Variants in PTPRD observed in about 807,000 individuals in gnomAD.
PTPRD encodes the protein receptor-type tyrosine-protein phosphatase delta.
Under a neutral mutation model 214.5 loss-of-function variants are expected in PTPRD, and 34 were observed. That is an observed-to-expected ratio of 0.16 (90% CI 0.12 to 0.21). The LOEUF (loss-of-function observed/expected upper bound fraction) is 0.21, where lower values mean the gene tolerates loss of function less well. Among genes scored for constraint, PTPRD ranks in the 10% least tolerant of loss-of-function variants. The probability of loss-of-function intolerance (pLI) is 1.00; values close to 1 mark genes in which losing one functional copy is unlikely to be tolerated. For missense variants in PTPRD, 2,545 were observed against 2,398.7 expected, an observed-to-expected ratio of 1.06 and a Z score of -1.27; for synonymous variants, 1,128 against 845.7, an observed-to-expected ratio of 1.33 and a Z score of -5.79.
At chr9:10,515,972 T>C (rs1176205941) in intron 2 of PTPRD, among the ~76,000 whole-genome samples, 1 of 151,974 alleles carries the variant, frequency 6.6e-6, no homozygotes, top group East Asian at 1.9e-4. Context: ...ACTCATCCAT[T>C]CATCTGTGGA....
rs1491133193 is a variant in PTPRD at position 10,037,579 on chromosome 9, GGA to G, written c.-544-3791_-544-3790del. 5.2e-3 allele frequency among the ~76,000 whole-genome samples: 416 copies of G among 80,032 alleles called. 4 individuals carry two copies. The highest frequency in any genetic ancestry group is 0.037 in the East Asian group (56 of 1,530). The allele number at this position is 80,032 out of a possible 152,430, so 52.5% of individuals were successfully genotyped here. On this transcript the variant is annotated intron_variant, in intron 3 of 45. Transcript: ENST00000381196. ...GTCTTGAGTATTTCTTTATAGCAGT[GGA>G]AAAAAAAAAAAAAAAAAACAAGCTA...
intron 2 of PTPRD, among the ~76,000 whole-genome samples, chr9:10,598,138 T>C (rs1335754297): frequency 3.6e-5 from 5 of 140,362 alleles, no homozygotes; most frequent in Non-Finnish European, 8.0e-5. Context: ...ATGTAGAAGA[T>C]AAAACATGAA....
At chr9:8,997,911 A>T (rs1442426318) in intron 11 of PTPRD, among the ~76,000 whole-genome samples, 2 of 152,116 alleles carry the variant, frequency 1.3e-5, no homozygotes, top group East Asian at 3.9e-4. Context: ...TCTGGATAGA[A>T]GATCAAACCA....
chr9:9,409,962 C>T (rs2074840071), intron 8 of PTPRD, among the ~76,000 whole-genome samples: 1 of 151,994 alleles, frequency 6.6e-6, no homozygotes, highest in African/African-American at 2.4e-5. Context: ...AATATGTTGG[C>T]CTGTCTGACT....
At chr9:8,996,259 C>A (rs1327673168) in intron 11 of PTPRD, among the ~76,000 whole-genome samples, 1 of 152,002 alleles carries the variant, frequency 6.6e-6, no homozygotes, top group Admixed American at 6.6e-5. Context: ...TGTGGTACAT[C>A]CATACCTGGA....
intron 11 of PTPRD, among the ~76,000 whole-genome samples, chr9:8,976,251 A>T (rs1463795919): frequency 6.6e-6 from 1 of 152,012 alleles, no homozygotes; most frequent in Non-Finnish European, 1.5e-5. Context: ...GTTAGTTTTG[A>T]ATCTTTCTCT....
intron 3 of PTPRD, among the ~76,000 whole-genome samples, chr9:10,037,941 A>G (rs1422494891): frequency 6.6e-6 from 1 of 152,194 alleles, no homozygotes; most frequent in African/African-American, 2.4e-5. Flanking sequence ...AAAGTAGTTT[A>G]ATTTCACTAC....
At chr9:10,106,413 G>A (rs990849475) in intron 3 of PTPRD, among the ~76,000 whole-genome samples, 3 of 151,860 alleles carry the variant, frequency 2.0e-5, no homozygotes, top group African/African-American at 7.2e-5. Context: ...TAACCTGGAA[G>A]TTTTGGCTTC....
At chr9:8,879,172 G>A (rs538994280) in intron 11 of PTPRD, among the ~76,000 whole-genome samples, 138 of 152,116 alleles carry the variant, frequency 9.1e-4, no homozygotes, top group African/African-American at 3.2e-3. Context: ...TCTTTTCTTG[G>A]GCCCAGCATG....
intron 2 of PTPRD, among the ~76,000 whole-genome samples, chr9:10,573,996 G>A (rs1290846116): frequency 6.6e-6 from 1 of 152,124 alleles, no homozygotes; most frequent in African/African-American, 2.4e-5. Flanking sequence ...GAAGTGGATA[G>A]GCATGGGTCA....
At chr9:8,582,564 T>C (rs1238637139) in intron 14 of PTPRD, among the ~76,000 whole-genome samples, 1 of 150,654 alleles carries the variant, frequency 6.6e-6, no homozygotes, top group Non-Finnish European at 1.5e-5. Context: ...AATGATATAA[T>C]AGGGAAAAAA....
rs57563877 is a variant in PTPRD, at chr9:10,126,426, T to TACAC, written c.-544-92640_-544-92637dup. Among the ~76,000 whole-genome samples, 419 of 96,238 alleles carry TACAC rather than the reference T, an allele frequency of 4.4e-3. 2 individuals carry two copies. The highest frequency in any genetic ancestry group is 0.031 in the South Asian group (113 of 3,662). 63.1% of individuals were successfully genotyped at this position (96,238 alleles called of 152,430 possible). ...TCCTTAAATAATACTGTTTTATATA[T>TACAC]ACACACACACACACACACACACACA... On this transcript the variant is annotated intron_variant, in intron 3 of 45. Coordinates refer to ENST00000381196, the MANE Select transcript of PTPRD (RefSeq NM_002839.4).
chr9:10,322,271 T>G (rs2096566578), intron 3 of PTPRD, among the ~76,000 whole-genome samples: 1 of 152,006 alleles, frequency 6.6e-6, no homozygotes, highest in Non-Finnish European at 1.5e-5. Flanking sequence ...TGTTGGCACA[T>G]CTTAACTGCA....
chr9:9,058,441 G>GATTTTTTTTTT (rs2099700335), intron 10 of PTPRD, among the ~76,000 whole-genome samples: 1 of 53,330 alleles, frequency 1.9e-5, no homozygotes, highest in Admixed American at 3.2e-4. Context: ...ATATTATGAG[G>GATTTTTTTTTT]GTTTTTTTTT....
chr9:10,532,512 G>A (rs767923978), intron 2 of PTPRD: 6 of 149,714 alleles, frequency 4.0e-5, no homozygotes, highest in African/African-American at 7.3e-5. Flanking sequence ...AACAGTGTCT[G>A]TGCACCTTTT....
chr9:8,805,232 C>A (rs1490655788), intron 11 of PTPRD, among the ~76,000 whole-genome samples: 2 of 152,144 alleles, frequency 1.3e-5, no homozygotes, highest in Non-Finnish European at 2.9e-5. Flanking sequence ...ACCCAAATTA[C>A]AGTAGGAAAA....
intron 8 of PTPRD, among the ~76,000 whole-genome samples, chr9:9,417,105 C>T (rs2142221703): frequency 6.6e-6 from 1 of 152,154 alleles, no homozygotes; most frequent in East Asian, 1.9e-4. Flanking sequence ...GCTGTTATCC[C>T]ATTCTTTGGC....
intron 8 of PTPRD, among the ~76,000 whole-genome samples, chr9:9,498,172 G>A (rs866991688): frequency 4.6e-5 from 7 of 151,984 alleles, no homozygotes; most frequent in South Asian, 2.1e-4. Context: ...TTGTTTTAGC[G>A]GCACAGTTGT....
At chr9:9,449,519 G>A (rs934186667) in intron 8 of PTPRD, among the ~76,000 whole-genome samples, 2 of 151,950 alleles carry the variant, frequency 1.3e-5, no homozygotes, top group African/African-American at 4.8e-5. Flanking sequence ...TAAGGAACCT[G>A]CCCTGATGGA....
Sources: allele counts gnomAD v4.1 joint callset (sites outside exome capture counted in the v4.1 genomes callset), GRCh38; gene constraint gnomAD v4.1.1; transcripts MANE v1.5; gene names NCBI Gene and HGNC (gene_info 2026-07-23, HGNC 2026-07-21).